Variants in PPFIA2 observed in about 807,000 individuals in gnomAD.
PPFIA2 encodes the protein liprin-alpha-2.
A neutral mutation model predicts 175.5 loss-of-function variants in PPFIA2; 46 were observed. That is an observed-to-expected ratio of 0.26 (90% CI 0.21 to 0.34). The LOEUF (loss-of-function observed/expected upper bound fraction) is 0.34. PPFIA2 is among the 10% of genes least tolerant of loss of function. The probability of loss-of-function intolerance (pLI) is 1.00; values close to 1 mark genes in which losing one functional copy is unlikely to be tolerated. For missense variants in PPFIA2, 1,179 were observed against 1,506.1 expected, an observed-to-expected ratio of 0.78 and a Z score of 3.60; for synonymous variants, 568 against 511.4, an observed-to-expected ratio of 1.11 and a Z score of -1.49.
At chr12:81,479,112 C>T (rs979241509) in intron 4 of PPFIA2, among the ~76,000 whole-genome samples, 1 of 152,054 alleles carries the variant, frequency 6.6e-6, no homozygotes, top group Non-Finnish European at 1.5e-5. Context: ...TGTATTGGGT[C>T]CATATATATT....
chr12:81,528,935 G>T (rs1049913727), intron 4 of PPFIA2, among the ~76,000 whole-genome samples: 1 of 151,922 alleles, frequency 6.6e-6, no homozygotes. Context: ...TATGAAAAGA[G>T]ACAATTATGA....
At chr12:81,488,285 AC>A (rs2059057782) in intron 4 of PPFIA2, among the ~76,000 whole-genome samples, 1 of 151,812 alleles carries the variant, frequency 6.6e-6, no homozygotes, top group Non-Finnish European at 1.5e-5. Flanking sequence ...AGTAAAGTGT[AC>A]TACGTTCTCA....
intron 4 of PPFIA2, among the ~76,000 whole-genome samples, chr12:81,462,585 CATATAT>C (rs71098145): frequency 1.0e-3 from 127 of 124,666 alleles, no homozygotes; most frequent in East Asian, 7.3e-3. Flanking sequence ...TATATATATA[CATATAT>C]ATATATATAT....
chr12:81,421,306 T>G (rs1055741764), intron 7 of PPFIA2, among the ~76,000 whole-genome samples: 4 of 152,080 alleles, frequency 2.6e-5, no homozygotes, highest in Non-Finnish European at 4.4e-5. Context: ...ATAAATTACT[T>G]TTAATCCTAC....
chr12:81,550,129 A>G (rs2067662795), intron 4 of PPFIA2, among the ~76,000 whole-genome samples: 1 of 151,970 alleles, frequency 6.6e-6, no homozygotes, highest in Non-Finnish European at 1.5e-5. Context: ...AGAGTAAATG[A>G]CAAAAATCTC....
chr12:81,702,533 TTGA>T (rs2153602685), intron 3 of PPFIA2, among the ~76,000 whole-genome samples: 1 of 152,214 alleles, frequency 6.6e-6, no homozygotes, highest in South Asian at 2.1e-4. Flanking sequence ...AACAGTGGCG[TTGA>T]TGATCACAGT....
chr12:81,454,559 T>G (rs1387200221), intron 5 of PPFIA2, among the ~76,000 whole-genome samples: 1 of 152,232 alleles, frequency 6.6e-6, no homozygotes, highest in African/African-American at 2.4e-5. Flanking sequence ...CTCTCTATCT[T>G]CATTCAATTC....
chr12:81,672,040 A>G (rs1047501953), intron 4 of PPFIA2, among the ~76,000 whole-genome samples: 1 of 151,946 alleles, frequency 6.6e-6, no homozygotes, highest in South Asian at 2.1e-4. Flanking sequence ...GTAACTGTGT[A>G]TTGATTATCA....
At chr12:81,616,574 C>T (rs1288380995) in intron 4 of PPFIA2, among the ~76,000 whole-genome samples, 1 of 152,118 alleles carries the variant, frequency 6.6e-6, no homozygotes, top group Non-Finnish European at 1.5e-5. Context: ...ATACTATGAT[C>T]AAATCACAAT....
At chr12:81,594,429 A>T (rs943141358) in intron 4 of PPFIA2, among the ~76,000 whole-genome samples, 5 of 152,202 alleles carry the variant, frequency 3.3e-5, no homozygotes, top group Non-Finnish European at 7.3e-5. Context: ...AACAGAAATA[A>T]TTCTTCTATG....
chr12:81,719,656 C>T (rs2079075739), intron 3 of PPFIA2, among the ~76,000 whole-genome samples: 1 of 151,340 alleles, frequency 6.6e-6, no homozygotes, highest in Non-Finnish European at 1.5e-5. Flanking sequence ...TTAATTAAAT[C>T]TATAATTAAA....
At chr12:81,492,869 G>A (rs1224543926) in intron 4 of PPFIA2, among the ~76,000 whole-genome samples, 1 of 152,062 alleles carries the variant, frequency 6.6e-6, no homozygotes, top group Non-Finnish European at 1.5e-5. Context: ...TCAATGAGAG[G>A]ACTATTGAAA....
At chr12:81,585,815 T>A (rs1054077682) in intron 4 of PPFIA2, among the ~76,000 whole-genome samples, 1 of 151,926 alleles carries the variant, frequency 6.6e-6, no homozygotes, top group African/African-American at 2.4e-5. Context: ...CATAGAAGTT[T>A]ATTATCATTA....
At chr12:81,321,529 G>A (rs1333395276) in intron 22 of PPFIA2, among the ~76,000 whole-genome samples, 2 of 151,862 alleles carry the variant, frequency 1.3e-5, no homozygotes, top group Non-Finnish European at 2.9e-5. Context: ...TAATATTATG[G>A]GGGGCTTATA....
chr12:81,413,820 T>C (rs2044439806), intron 7 of PPFIA2, among the ~76,000 whole-genome samples: 1 of 151,662 alleles, frequency 6.6e-6, no homozygotes, highest in African/African-American at 2.4e-5. Flanking sequence ...AATTTTCCAA[T>C]AAAAAAGGAA....
intron 28 of PPFIA2, chr12:81,270,681 C>T (rs1197551659): frequency 2.6e-5 from 4 of 152,170 alleles, no homozygotes; most frequent in African/African-American, 9.7e-5. Context: ...ACACCTTGGT[C>T]TGGAACTTCT....
chr12:81,711,752 G>A (rs1265411969), intron 3 of PPFIA2, among the ~76,000 whole-genome samples: 1 of 150,106 alleles, frequency 6.7e-6, no homozygotes, highest in African/African-American at 2.4e-5. Context: ...CTGTGGTGAA[G>A]CTTCTCTTTT....
chr12:81,285,211 G>A (rs990844741), intron 24 of PPFIA2, among the ~76,000 whole-genome samples: 1 of 152,054 alleles, frequency 6.6e-6, no homozygotes, highest in South Asian at 2.1e-4. Context: ...TTGGCCCCTG[G>A]AAACCACTTG....
chr12:81,501,472 T>C (rs150787263), intron 4 of PPFIA2, among the ~76,000 whole-genome samples: 5 of 152,304 alleles, frequency 3.3e-5, no homozygotes, highest in Non-Finnish European at 5.9e-5. Flanking sequence ...GCCTCCTGAA[T>C]ACTGTGTAAG....
Sources: gnomAD v4.1 joint callset for allele counts (sites outside exome capture counted in the v4.1 genomes callset) on GRCh38, gnomAD v4.1.1 for gene constraint, MANE v1.5 for transcripts, NCBI Gene and HGNC (gene_info 2026-07-23, HGNC 2026-07-21) for gene names.